Variants in HDAC7 observed in about 807,000 individuals in gnomAD.
The protein encoded by HDAC7 is histone deacetylase 7A.
Under a neutral mutation model 115.5 loss-of-function variants are expected in HDAC7, and 26 were observed. The observed-to-expected ratio is 0.23, with a 90% confidence interval of 0.16 to 0.31. The LOEUF is 0.31. Among genes scored for constraint, HDAC7 ranks in the 10% least tolerant of loss-of-function variants. The pLI is 1.00. For synonymous variants in HDAC7, 564 were observed against 550.9 expected (o/e 1.02, Z -0.33); for missense variants, 1,068 against 1,329.0 (o/e 0.80, Z 3.05).
At chr12:47,790,236 G>A in intron 16 of HDAC7, 1 of 351,784 alleles carries the variant, frequency 2.8e-6, no homozygotes, top group Non-Finnish European at 5.5e-6. Flanking sequence ...GGGCCGGGAG[G>A]GGGTTTTAAG....
intron 1 of HDAC7, among the ~76,000 whole-genome samples, chr12:47,814,105 C>G (rs1944779315): frequency 6.6e-6 from 1 of 152,198 alleles, no homozygotes; most frequent in South Asian, 2.1e-4. Flanking sequence ...CCCATCTGGC[C>G]CTCTGGTCTC....
chr12:47,790,008 G>T (rs1394955345), intron 16 of HDAC7, 88 bp from the exon 17 acceptor site: 3 of 960,686 alleles, frequency 3.1e-6, no homozygotes, highest in Non-Finnish European at 5.0e-6. Context: ...CCACGGCCAG[G>T]ACCCCAGGGG....
chr12:47,801,650 C>T (rs981619534), intron 2 of HDAC7, among the ~76,000 whole-genome samples: 1 of 152,208 alleles, frequency 6.6e-6, no homozygotes, highest in Non-Finnish European at 1.5e-5. Context: ...ACTGGCTACA[C>T]TAAAGGAAGG....
chr12:47,786,618 C>T lies in HDAC7; in HGVS notation c.2539G>A (p.Ala847Thr), dbSNP rs1039507561. The change falls in exon 22 of 26, where the codon GCC (alanine) becomes ACC (threonine). Residue 847 changes from alanine (A) to threonine (T), a missense_variant. By Grantham distance (58) the Ala-to-Thr change is moderately conservative (BLOSUM62 0). Transcript: ENST00000080059. ...GAAACATGGTAGCCACCCAGTGGGG[C>T]CGGGTGACCCTCAGCAGCATCAAAT... ...AGFDAAEGHP[A>T]PLGGYHVSAK... 6.2e-7 allele frequency: 1 copy of T among 1,614,002 alleles called. No homozygotes were observed. Among genetic ancestry groups the T allele is most frequent in the Admixed American group, 1.7e-5 (1 of 60,014 alleles).
In HDAC7 at chr12:47,798,007, A is replaced by C. The variant is rs1943957752; in HGVS notation, c.461+101T>G. Reference sequence around the variant, plus strand: ...AGGAAGGGTAAGGACTGGTTGTGGCAACTGGGGAGGAAGGAGGCAAGTGTG... The same window carrying C: ...AGGAAGGGTAAGGACTGGTTGTGGCCACTGGGGAGGAAGGAGGCAAGTGTG... On this transcript the variant is annotated intron_variant, in intron 5 of 25. Coordinates refer to ENST00000080059, the MANE Select transcript of HDAC7 (RefSeq NM_015401.5). This position sits in a 1 kb window ranked among gnomAD's most constrained non-coding sequence, Gnocchi z 4.3. 3.4e-5 allele frequency: 29 copies of C among 849,808 alleles called. No individual in the cohort carries two copies. In the East Asian group the frequency reaches 7.0e-4, roughly 21 times the overall value. The allele number at this position is 849,808 out of a possible 1,614,324, so 52.6% of individuals were successfully genotyped here. A position where few individuals can be genotyped will look rare whatever the true frequency, so the allele number is the denominator to read the frequency against.
In HDAC7 at chr12:47,786,794, G is replaced by A. The variant is rs564802485; in HGVS notation, c.2454-91C>T. The A allele has an allele frequency of 1.6e-4, 155 of 940,042 alleles. 2 individuals are homozygous for A. In the South Asian group the frequency reaches 2.2e-3, roughly 13 times the overall value. 58.2% of individuals were successfully genotyped at this position (940,042 alleles called of 1,614,324 possible). A position where few individuals can be genotyped will look rare whatever the true frequency, so the allele number is the denominator to read the frequency against. ...TTTGCGGTGGGGCACCCTGTTCTTAGGACTCCAAGGCTCCCAGTGCCCCAG... is the reference window on the plus strand; with the variant it reads ...TTTGCGGTGGGGCACCCTGTTCTTAAGACTCCAAGGCTCCCAGTGCCCCAG... On this transcript the variant is annotated intron_variant, in intron 21 of 25. Transcript: ENST00000080059.
Position 47,794,748 on chromosome 12 carries a change from G to A in HDAC7, c.1458+12C>T. On this transcript the variant is annotated intron_variant, in intron 12 of 25. Coordinates refer to ENST00000080059, the MANE Select transcript of HDAC7 (RefSeq NM_015401.5). The stretch of plus-strand genomic sequence containing the variant: ...AGGACACTTTCTGAGGGGCAGGTGG[G>A]GACTGCCATACCTGAGGGTGCTGCT... 1 of 1,564,578 alleles carries A rather than the reference G, an allele frequency of 6.4e-7. No individual in the cohort carries two copies. The highest frequency in any genetic ancestry group is 1.2e-5 in the South Asian group (1 of 84,330).
chr12:47,787,944 A>G, intron 20 of HDAC7, 101 bp downstream of exon 20: 1 of 1,571,394 alleles, frequency 6.4e-7, no homozygotes, highest in Non-Finnish European at 8.7e-7. Flanking sequence ...AGAGAGGCTC[A>G]GCAGTCTGCC....
rs1943187564 is a variant in HDAC7 at position 47,786,710 on chromosome 12, G to A, written c.2454-7C>T. 1 of 1,608,158 alleles carries A rather than the reference G, an allele frequency of 6.2e-7. No individual in the cohort carries two copies. The highest frequency in any genetic ancestry group is 1.3e-5 in the African/African-American group (1 of 74,834). Reference sequence around the variant, plus strand: ...GATGGGCATCACGACTATCCTGTGAGGTCACAAGAAGTGGCGATCATCGTA... The same window carrying A: ...GATGGGCATCACGACTATCCTGTGAAGTCACAAGAAGTGGCGATCATCGTA... On this transcript the variant is annotated splice_region_variant and splice_polypyrimidine_tract_variant and intron_variant, in intron 21 of 25. Transcript: ENST00000080059.
At chr12:47,789,206 C>T in intron 19 of HDAC7, 55 bp downstream of exon 19, 3 of 1,341,760 alleles carry the variant, frequency 2.2e-6, no homozygotes, top group Non-Finnish European at 3.2e-6. Flanking sequence ...ACATCAGGCT[C>T]AGGGCTTTTC....
Position 47,795,104 on chromosome 12 carries a change from T to C in HDAC7, c.1284+80A>G. On this transcript the variant is annotated intron_variant, in intron 11 of 25. Transcript: ENST00000080059. The surrounding 1 kb of genome is among the most constrained non-coding windows in gnomAD (Gnocchi z 4.3). ...TTTTGCCCTCCAGTTCCCTGCCCTT[T>C]CTAAGTACCCCTCTTCTTTTGGCCC... The C allele has an allele frequency of 1.5e-6, 2 of 1,372,198 alleles. No individual in the cohort carries two copies. The highest frequency in any genetic ancestry group is 2.6e-5 in the South Asian group (2 of 76,794). The allele number at this position is 1,372,198 out of a possible 1,614,324, so 85.0% of individuals were successfully genotyped here. A position where few individuals can be genotyped will look rare whatever the true frequency, so the allele number is the denominator to read the frequency against.
rs189596469 is a variant in HDAC7, at chr12:47,783,642, G to A, written c.*199C>T. ...TCGCCGCCCAGCCCGTCTCCTCTCA[G>A]GGTCCTCTCCAGTTCCCATTCTAGA... On this transcript the variant is annotated 3_prime_UTR_variant, in exon 26 of 26. Transcript: ENST00000080059. 891 of 626,176 alleles carry A rather than the reference G, an allele frequency of 1.4e-3. 9 individuals carry two copies. In the African/African-American group the frequency reaches 0.015, roughly 10 times the overall value. 38.8% of individuals were successfully genotyped at this position (626,176 alleles called of 1,614,324 possible). A position where few individuals can be genotyped will look rare whatever the true frequency, so the allele number is the denominator to read the frequency against.
At chr12:47,791,801 G>GCCCCCCCC in intron 14 of HDAC7, 70 bp downstream of exon 14, 3 of 1,511,072 alleles carry the variant, frequency 2.0e-6, no homozygotes, top group Non-Finnish European at 2.7e-6. Context: ...GGGCCCCAGG[G>GCCCCCCCC]CCCCCCACCC....
chr12:47,783,705 A>G lies in HDAC7; in HGVS notation c.*136T>C. ...CTCACGCTCCCTGGGATAACTGTCA[A>G]AGCAGGCAGGCTGTTCTCTGGTTCC... On this transcript the variant is annotated 3_prime_UTR_variant, in exon 26 of 26. Transcript: ENST00000080059. 1.2e-6 allele frequency: 1 copy of G among 862,152 alleles called. No individual in the cohort carries two copies. Among genetic ancestry groups the G allele is most frequent in the Non-Finnish European group, 1.9e-6 (1 of 524,842 alleles). 53.4% of individuals were successfully genotyped at this position (862,152 alleles called of 1,614,324 possible). A position where few individuals can be genotyped will look rare whatever the true frequency, so the allele number is the denominator to read the frequency against.
chr12:47,794,792 T>C lies in HDAC7; in HGVS notation c.1426A>G (p.Arg476Gly). ...TGCTGCTGGAGAGGAGCGGGGCCTC[T>C]GGCCTCAGGCTGCCCATGGCCCAGC... The part of the protein sequence containing the change: ...RELGHGQPEA[R>G]GPAPLQQHPQ... The change falls in exon 12 of 26, where the codon AGA becomes GGA. Residue 476 changes from arginine (R) to glycine (G), a missense_variant. By Grantham distance (125) the Arg-to-Gly change is moderately radical (BLOSUM62 -2). Coordinates refer to ENST00000080059, the MANE Select transcript of HDAC7 (RefSeq NM_015401.5). 1 of 1,610,870 alleles carries C rather than the reference T, an allele frequency of 6.2e-7. No individual in the cohort carries two copies. Among genetic ancestry groups the C allele is most frequent in the Non-Finnish European group, 8.5e-7 (1 of 1,178,948 alleles).
rs749343779 is a variant in HDAC7 at position 47,795,616 on chromosome 12, G to C, written c.1058C>G (p.Pro353Arg). 1.3e-5 allele frequency: 21 copies of C among 1,561,208 alleles called. No homozygotes were observed. The highest frequency in any genetic ancestry group is 1.7e-4 in the Middle Eastern group (1 of 5,996). ...CAGCAGCGGGGCATGAGAGCCTGAG[G>C]GGTCCAGGAGGAGAATGGGCTGCAG... The part of the protein sequence containing the change: ...SRLQPILLLD[P>R]SGSHAPLLTV... The change falls in exon 10 of 26, where the codon CCC (proline) becomes CGC (arginine). Residue 353 changes from proline (P) to arginine (R), a missense_variant. By Grantham distance (103) the Pro-to-Arg change is moderately radical (BLOSUM62 -2). Coordinates refer to ENST00000080059, the MANE Select transcript of HDAC7 (RefSeq NM_015401.5). The surrounding 1 kb of genome is among the most constrained non-coding windows in gnomAD (Gnocchi z 4.3).
intron 1 of HDAC7, among the ~76,000 whole-genome samples, chr12:47,816,181 C>T (rs1340746219): frequency 2.0e-5 from 3 of 152,026 alleles, no homozygotes; most frequent in Non-Finnish European, 4.4e-5. Flanking sequence ...CGTAAGTCAC[C>T]GCGCCCGGCC....
At chr12:47,807,296 T>A (rs1944447490) in intron 1 of HDAC7, among the ~76,000 whole-genome samples, 1 of 152,204 alleles carries the variant, frequency 6.6e-6, no homozygotes, top group Non-Finnish European at 1.5e-5. Flanking sequence ...CCCTTTCTCT[T>A]CCACCTGAAC....
upstream of HDAC7, among the ~76,000 whole-genome samples, chr12:47,820,987 C>G (rs994575327): frequency 1.3e-5 from 2 of 152,212 alleles, no homozygotes; most frequent in African/African-American, 4.8e-5. This position sits in a 1 kb window ranked among gnomAD's most constrained non-coding sequence, Gnocchi z 4.3. Flanking sequence ...CCTGGGCTAG[C>G]CGGTCAGCCG....
Sources: allele counts gnomAD v4.1 joint callset (sites outside exome capture counted in the v4.1 genomes callset), GRCh38; gene constraint gnomAD v4.1.1; non-coding constraint Gnocchi (gnomAD v3.1); transcripts MANE v1.5; gene names NCBI Gene and HGNC (gene_info 2026-07-23, HGNC 2026-07-21).